Variants in IL2RB observed in about 807,000 individuals in gnomAD.
IL2RB encodes the protein interleukin-2 receptor subunit beta.
IL2RB carries 17 observed loss-of-function variants against 44.2 expected under a neutral mutation model. That is an observed-to-expected ratio of 0.38 (90% CI 0.26 to 0.58). The LOEUF is 0.58. Ranked by LOEUF, IL2RB falls within the 20% of genes least tolerant of loss-of-function variation. The pLI is 0.63. For synonymous variants in IL2RB, 286 were observed against 297.9 expected (o/e 0.96, Z 0.41); for missense variants, 624 against 685.5 (o/e 0.91, Z 1.00).
In IL2RB at chr22:37,167,670, G is replaced by C. The variant is rs1923130324; in HGVS notation, c.-34+7288C>G. On this transcript the variant is annotated intron_variant, in intron 1 of 5. Transcript: ENST00000429622. ...TCCCAGCACCCCGTGCATCTAAAGT[G>C]GATGCTGCCCTGCCCATCACTGGAT... 2.0e-5 allele frequency among the ~76,000 whole-genome samples: 3 copies of C among 152,234 alleles called. No individual in the cohort carries two copies. The South Asian group carries it at 6.2e-4, about 31-fold the overall frequency.
intron 1 of IL2RB, chr22:37,161,848 G>C (rs1470816521): frequency 2.0e-5 from 3 of 152,212 alleles, no homozygotes; most frequent in Non-Finnish European, 4.4e-5. Flanking sequence ...GTGTGATTAG[G>C]CTTCCCCAAT....
At chr22:37,130,279 G>A (rs1380822544) in intron 9 of IL2RB, among the ~76,000 whole-genome samples, 1 of 152,248 alleles carries the variant, frequency 6.6e-6, no homozygotes, top group African/African-American at 2.4e-5. Context: ...CAGCCAGAGA[G>A]GGAGCGGCCA....
intron 1 of IL2RB, among the ~76,000 whole-genome samples, chr22:37,164,335 G>A (rs540126026): frequency 6.6e-6 from 1 of 152,064 alleles, no homozygotes; most frequent in African/African-American, 2.4e-5. Flanking sequence ...GTGAGGAGGG[G>A]GCACGGGGGT....
At chr22:37,144,952 A>G (rs1922157660) in intron 1 of IL2RB, among the ~76,000 whole-genome samples, 1 of 151,996 alleles carries the variant, frequency 6.6e-6, no homozygotes, top group South Asian at 2.1e-4. Flanking sequence ...AGTGCCTGGC[A>G]CATAGTAGGC....
At chr22:37,158,932 C>A (rs910613225) in intron 1 of IL2RB, among the ~76,000 whole-genome samples, 1 of 152,216 alleles carries the variant, frequency 6.6e-6, no homozygotes, top group African/African-American at 2.4e-5. Context: ...ATTTTGTCCA[C>A]AGCCACAACG....
At position 37,126,881 on chromosome 22, in the gene IL2RB, G is replaced by A. The variant is rs1416206405; in HGVS notation, c.*1215C>T. ...TGTCAGGCGCAGGGAGCCCAGACGA[G>A]GTGGTGCCAGGTAATTAATTCGTTC... On this transcript the variant is annotated 3_prime_UTR_variant, in exon 10 of 10. Transcript: ENST00000216223. 2 of 152,336 alleles carry A rather than the reference G, an allele frequency of 1.3e-5. No individual in the cohort carries two copies. The highest frequency in any genetic ancestry group is 6.5e-5 in the Admixed American group (1 of 15,286). The allele number at this position is 152,336 out of a possible 1,614,324, so 9.4% of individuals were successfully genotyped here.
At chr22:37,169,603 C>T (rs1367656478) in intron 1 of IL2RB, among the ~76,000 whole-genome samples, 2 of 151,852 alleles carry the variant, frequency 1.3e-5, no homozygotes, top group Non-Finnish European at 2.9e-5. Flanking sequence ...TCCCCCTTTG[C>T]ATCCAATCCT....
In IL2RB at chr22:37,126,049, T is replaced by C. The variant is rs1241994112; in HGVS notation, c.*2047A>G. The C allele has an allele frequency of 6.6e-6, 1 of 152,008 alleles. No individual in the cohort carries two copies. Among genetic ancestry groups the C allele is most frequent in the African/African-American group, 2.4e-5 (1 of 41,336 alleles). 9.4% of individuals were successfully genotyped at this position (152,008 alleles called of 1,614,324 possible). ...GATGTATAGATACATATGTCACAAA[T>C]GATTAAGACTTAAAAAATGTAACCC... On this transcript the variant is annotated 3_prime_UTR_variant, in exon 10 of 10. Transcript: ENST00000216223.
intron 2 of IL2RB, 140 bp from the exon 3 acceptor site, chr22:37,143,775 G>T: frequency 2.9e-6 from 2 of 688,816 alleles, no homozygotes; most frequent in Non-Finnish European, 2.6e-6. Context: ...AGGGATTCAT[G>T]GACCCACTTC....
At chr22:37,157,758 C>T (rs1046965649) in intron 1 of IL2RB, among the ~76,000 whole-genome samples, 3 of 152,170 alleles carry the variant, frequency 2.0e-5, no homozygotes, top group African/African-American at 4.8e-5. Context: ...TATGAGTCTA[C>T]ACCAGGAGCT....
intron 4 of IL2RB, among the ~76,000 whole-genome samples, chr22:37,142,094 C>T (rs1921995592): frequency 6.6e-6 from 1 of 152,182 alleles, no homozygotes; most frequent in African/African-American, 2.4e-5. Context: ...CCGGGAAGAG[C>T]TGGGTGTGGT....
chr22:37,174,212 A>C (rs542438576), intron 1 of IL2RB, among the ~76,000 whole-genome samples: 2 of 152,338 alleles, frequency 1.3e-5, no homozygotes, highest in South Asian at 4.1e-4. Context: ...TGCCACATCC[A>C]TGAAACGGAA....
rs1922017838 is a variant in IL2RB at position 37,142,505 on chromosome 22, T to G, written c.211A>C (p.Asn71His). 2 of 1,613,970 alleles carry G rather than the reference T, an allele frequency of 1.2e-6. No homozygotes were observed. The highest frequency in any genetic ancestry group is 1.7e-6 in the Non-Finnish European group (2 of 1,179,978). Residue 71 changes from asparagine (N) to histidine (H), a missense_variant, in exon 4 of 10, where the codon AAC becomes CAC. Physicochemically the swap from Asn to His is moderately conservative, Grantham distance 68. Around this residue, in one of 3 missense-constraint regions of IL2RB, gnomAD observed 255 missense variants for 339.9 expected, o/e 0.75. Coordinates refer to ENST00000216223, the MANE Select transcript of IL2RB (RefSeq NM_000878.5). ...ACGGGGAGCAGCTCACAGGTTTGGT[T>G]CCACCGCCTTTCATGGCAAAAGACC... ...VHAWPDRRRW[N>H]QTCELLPVSQ...
chr22:37,133,958 C>G (rs577546146), intron 8 of IL2RB, among the ~76,000 whole-genome samples: 1 of 152,284 alleles, frequency 6.6e-6, no homozygotes, highest in South Asian at 2.1e-4. Flanking sequence ...CCACACCCCC[C>G]ATGGGCTCCC....
rs1921984841 is a variant in IL2RB at position 37,141,900 on chromosome 22, A to G, written c.282+534T>C. On this transcript the variant is annotated intron_variant, in intron 4 of 9. Coordinates refer to ENST00000216223, the MANE Select transcript of IL2RB (RefSeq NM_000878.5). This position sits in a 1 kb window ranked among gnomAD's most constrained non-coding sequence, Gnocchi z 4.4. ...CACCTTCAGGCTGGGGAGGGCCTGA[A>G]AAACAAGGCCCTTGTTGGGCCTTGA... Among the ~76,000 whole-genome samples the G allele has an allele frequency of 6.6e-6, 1 of 152,130 alleles. No individual in the cohort carries two copies. The highest frequency in any genetic ancestry group is 2.4e-5 in the African/African-American group (1 of 41,434).
intron 1 of IL2RB, among the ~76,000 whole-genome samples, chr22:37,157,928 A>G (rs1922734887): frequency 6.6e-6 from 1 of 152,230 alleles, no homozygotes; most frequent in Non-Finnish European, 1.5e-5. Context: ...AGTCCTGAGA[A>G]TACACATTAA....
intron 1 of IL2RB, among the ~76,000 whole-genome samples, chr22:37,163,811 A>T (rs1036635239): frequency 1.3e-5 from 2 of 152,176 alleles, no homozygotes; most frequent in Admixed American, 1.3e-4. Context: ...TCATGAGCAA[A>T]CCTGAAAGCA....
chr22:37,147,745 T>G (rs1922291015), intron 1 of IL2RB, among the ~76,000 whole-genome samples: 1 of 152,218 alleles, frequency 6.6e-6, no homozygotes, highest in Non-Finnish European at 1.5e-5. Context: ...AGGTGCTTAT[T>G]CGGGGTACCA....
intron 9 of IL2RB, among the ~76,000 whole-genome samples, chr22:37,129,994 A>T (rs953810340): frequency 6.6e-6 from 1 of 152,218 alleles, no homozygotes; most frequent in Non-Finnish European, 1.5e-5. Flanking sequence ...CTCTCCAGGG[A>T]GAGTCCCTGA....
Sources: allele counts gnomAD v4.1 joint callset (sites outside exome capture counted in the v4.1 genomes callset), GRCh38; gene constraint gnomAD v4.1.1; regional missense constraint gnomAD v4.1.1; non-coding constraint Gnocchi (gnomAD v3.1); transcripts MANE v1.5; gene names NCBI Gene and HGNC (gene_info 2026-07-23, HGNC 2026-07-21).